Variants in ST6GAL2 observed in about 807,000 individuals in gnomAD.
ST6GAL2 encodes beta-galactoside alpha-2,6-sialyltransferase 2.
In ST6GAL2, 24 loss-of-function variants were observed where a neutral mutation model predicts 37.5. The ratio of observed to expected loss-of-function variants is 0.64; its 90% CI spans 0.46 to 0.90. The LOEUF is 0.90. ST6GAL2 is among the 40% of genes least tolerant of loss of function. The pLI, the probability that ST6GAL2 is intolerant of heterozygous loss-of-function variation, is 0.00. For synonymous variants in ST6GAL2, 306 were observed against 295.1 expected, an observed-to-expected ratio of 1.04 and a Z score of -0.38; for missense variants, 715 against 712.7, an observed-to-expected ratio of 1.00 and a Z score of -0.04.
intron 1 of ST6GAL2, among the ~76,000 whole-genome samples, chr2:106,845,433 C>A (rs573272545): frequency 6.6e-6 from 1 of 151,850 alleles, no homozygotes; most frequent in African/African-American, 2.4e-5. Flanking sequence ...GCAAGGAAGT[C>A]GTTAGTAGAA....
At chr2:106,873,411 G>C (rs1207905079) in intron 1 of ST6GAL2, among the ~76,000 whole-genome samples, 1 of 152,146 alleles carries the variant, frequency 6.6e-6, no homozygotes, top group Non-Finnish European at 1.5e-5. Flanking sequence ...GATGATTCTT[G>C]GGCAGGCAGC....
At chr2:106,813,085 G>A in intron 5 of ST6GAL2, 2 of 1,143,252 alleles carry the variant, frequency 1.7e-6, no homozygotes, top group Non-Finnish European at 2.2e-6. Flanking sequence ...TCTTTAAACA[G>A]TATGAATGTT....
chr2:106,852,019 T>C (rs1331130897), intron 1 of ST6GAL2, among the ~76,000 whole-genome samples: 1 of 152,218 alleles, frequency 6.6e-6, no homozygotes, highest in Middle Eastern at 3.2e-3. Context: ...AACACCCTTA[T>C]TGGCACTTTT....
chr2:106,886,895 G>A (rs1177194252), upstream of ST6GAL2: 2 of 152,222 alleles, frequency 1.3e-5, no homozygotes, highest in Non-Finnish European at 1.5e-5. Flanking sequence ...GTGGGGCGGT[G>A]CGGGGCAGCA....
At chr2:106,879,463 T>A (rs1678650894) in intron 1 of ST6GAL2, among the ~76,000 whole-genome samples, 1 of 152,120 alleles carries the variant, frequency 6.6e-6, no homozygotes. Context: ...ATGAATGTTA[T>A]TCTAACATAT....
chr2:106,815,936 C>G (rs908893506), intron 5 of ST6GAL2, among the ~76,000 whole-genome samples: 3 of 152,076 alleles, frequency 2.0e-5, no homozygotes, highest in Non-Finnish European at 4.4e-5. Context: ...TTTGTTTTTT[C>G]AATCAGGGAA....
chr2:106,861,430 T>A (rs1677791862), intron 1 of ST6GAL2, among the ~76,000 whole-genome samples: 1 of 152,158 alleles, frequency 6.6e-6, no homozygotes. Flanking sequence ...TGTGTCTGTG[T>A]GTGTGGATTA....
At chr2:106,845,301 T>C (rs1677099114) in intron 1 of ST6GAL2, among the ~76,000 whole-genome samples, 1 of 152,068 alleles carries the variant, frequency 6.6e-6, no homozygotes, top group South Asian at 2.1e-4. Context: ...ACATGCTGTA[T>C]AAAAAATAGG....
intron 5 of ST6GAL2, among the ~76,000 whole-genome samples, chr2:106,829,462 C>G (rs770006647): frequency 6.6e-6 from 1 of 152,120 alleles, no homozygotes; most frequent in South Asian, 2.1e-4. Flanking sequence ...GTCAACTGTC[C>G]CAGCTGAGCT....
chr2:106,853,837 G>C (rs1463679191), intron 1 of ST6GAL2, among the ~76,000 whole-genome samples: 1 of 152,182 alleles, frequency 6.6e-6, no homozygotes, highest in African/African-American at 2.4e-5. Flanking sequence ...GTCTATCAGT[G>C]ATTGTGCAGA....
intron 2 of ST6GAL2, chr2:106,834,350 T>C (rs1317663524): frequency 9.5e-6 from 5 of 526,072 alleles, no homozygotes; most frequent in African/African-American, 1.9e-5. Context: ...TGGATATATA[T>C]AGATGTAAAA....
chr2:106,845,389 A>G (rs1677102378), intron 1 of ST6GAL2, among the ~76,000 whole-genome samples: 1 of 152,200 alleles, frequency 6.6e-6, no homozygotes, highest in Non-Finnish European at 1.5e-5. Context: ...GTGGCAAGTA[A>G]GGTAGAGAAG....
At position 106,862,673 on chromosome 2, in the gene ST6GAL2, A is replaced by G. The variant is rs369026448; in HGVS notation, c.-57-18639T>C. Among the ~76,000 whole-genome samples, 7 of 152,294 alleles carry G rather than the reference A, an allele frequency of 4.6e-5. No homozygotes were observed. The East Asian group carries it at 1.4e-3, about 29-fold the overall frequency. ...TGGTTGCTTAACTCAGAGTAAAATC[A>G]TTAGTCCCAATTCTGCAATAAAACA... On this transcript the variant is annotated intron_variant, in intron 1 of 5. Transcript: ENST00000409382.
At chr2:106,852,321 C>T (rs879181720) in intron 1 of ST6GAL2, among the ~76,000 whole-genome samples, 1 of 152,186 alleles carries the variant, frequency 6.6e-6, no homozygotes, top group East Asian at 1.9e-4. Context: ...CTTGTGATGG[C>T]GCTGTTTGAC....
chr2:106,861,131 A>G (rs1677780809), intron 1 of ST6GAL2, among the ~76,000 whole-genome samples: 1 of 152,222 alleles, frequency 6.6e-6, no homozygotes, highest in Non-Finnish European at 1.5e-5. Flanking sequence ...ACTAACTAGG[A>G]TGACACAGGA....
chr2:106,837,492 A>C (rs2104494768), intron 2 of ST6GAL2, among the ~76,000 whole-genome samples: 1 of 152,318 alleles, frequency 6.6e-6, no homozygotes, highest in Admixed American at 6.5e-5. Flanking sequence ...GGTCTTGCAA[A>C]GGCTAAGGGT....
upstream of ST6GAL2, chr2:106,886,532 C>A (rs1405519734): frequency 6.6e-6 from 1 of 151,750 alleles, no homozygotes; most frequent in Non-Finnish European, 1.5e-5. Flanking sequence ...CGCTCAGCCC[C>A]GCGCTGCACG....
intron 1 of ST6GAL2, among the ~76,000 whole-genome samples, chr2:106,847,970 G>A (rs1456232392): frequency 1.3e-5 from 2 of 151,954 alleles, no homozygotes; most frequent in African/African-American, 4.8e-5. Context: ...AATCTCCAGT[G>A]CCACTCTTCT....
At chr2:106,867,531 A>G (rs1015468026) in intron 1 of ST6GAL2, among the ~76,000 whole-genome samples, 2 of 152,348 alleles carry the variant, frequency 1.3e-5, no homozygotes, top group East Asian at 3.8e-4. Flanking sequence ...TGGAGACAAC[A>G]AAGGCGAAGT....
Sources: gnomAD v4.1 joint callset for allele counts (sites outside exome capture counted in the v4.1 genomes callset) on GRCh38, gnomAD v4.1.1 for gene constraint, MANE v1.5 for transcripts, NCBI Gene and HGNC (gene_info 2026-07-23, HGNC 2026-07-21) for gene names.